SEZ6: variants seen among roughly 807,000 people sequenced by gnomAD.
SEZ6 encodes the protein seizure protein 6 homolog.
In SEZ6, 53 loss-of-function variants were observed where a neutral mutation model predicts 101.0. The observed-to-expected ratio is 0.52, with a 90% confidence interval of 0.42 to 0.66. The LOEUF (loss-of-function observed/expected upper bound fraction) is 0.66, where lower values mean the gene tolerates loss of function less well. Among genes scored for constraint, SEZ6 ranks in the 30% least tolerant of loss-of-function variants. SEZ6 has a pLI of 0.00. For missense variants in SEZ6, 1,102 were observed against 1,289.4 expected, an observed-to-expected ratio of 0.85 and a Z score of 2.23; for synonymous variants, 488 against 512.2, an observed-to-expected ratio of 0.95 and a Z score of 0.64.
At position 28,955,532 on chromosome 17, in the gene SEZ6, G is replaced by T; in HGVS notation, c.*430C>A. On this transcript the variant is annotated 3_prime_UTR_variant, in exon 17 of 17. Transcript: ENST00000317338. ...TGGCCATTGGTGATGGCGCTGTGAG[G>T]AGTACCCTGGTGCAGTTCCCACCAT... 2.3e-6 allele frequency: 1 copy of T among 428,812 alleles called. No individual in the cohort carries two copies. Among genetic ancestry groups the T allele is most frequent in the Non-Finnish European group, 4.7e-6 (1 of 212,356 alleles). The allele number at this position is 428,812 out of a possible 1,614,324, so 26.6% of individuals were successfully genotyped here.
chr17:28,999,019 C>T (rs2041579946), intron 1 of SEZ6, among the ~76,000 whole-genome samples: 1 of 152,092 alleles, frequency 6.6e-6, no homozygotes, highest in East Asian at 1.9e-4. Flanking sequence ...AAACTGAGTT[C>T]CTTAAGGGGA....
intron 1 of SEZ6, among the ~76,000 whole-genome samples, chr17:28,994,442 A>AT (rs1168249513): frequency 1.3e-5 from 2 of 151,732 alleles, no homozygotes; most frequent in Non-Finnish European, 2.9e-5. Flanking sequence ...TGCCCGGCTA[A>AT]TTTTTGTATT....
chr17:28,964,246 G>T, intron 4 of SEZ6, 99 bp from the exon 5 acceptor site: 1 of 1,269,540 alleles, frequency 7.9e-7, no homozygotes, highest in Non-Finnish European at 1.1e-6. Context: ...GCCTGGAGGT[G>T]TCATTTGGGG....
rs1441269280 is a variant in SEZ6 at position 28,959,602 on chromosome 17, A to C, written c.1771+96T>G. 1 of 1,537,778 alleles carries C rather than the reference A, an allele frequency of 6.5e-7. No homozygotes were observed. Among genetic ancestry groups the C allele is most frequent in the Admixed American group, 1.8e-5 (1 of 54,322 alleles). On this transcript the variant is annotated intron_variant, in intron 8 of 16. Coordinates refer to ENST00000317338, the MANE Select transcript of SEZ6 (RefSeq NM_178860.5). This position sits in a 1 kb window ranked among gnomAD's most constrained non-coding sequence, Gnocchi z 4.4. ...TCCTTGGAGGAAGCCTGAACCACGC[A>C]TATCACAGGGCCCCTGTGGCCCCGG...
chr17:28,959,104 A>G lies in SEZ6; in HGVS notation c.2028T>C (p.Ala676=). The G allele has an allele frequency of 6.2e-7, 1 of 1,614,008 alleles. No individual in the cohort carries two copies. Among genetic ancestry groups the G allele is most frequent in the Non-Finnish European group, 8.5e-7 (1 of 1,179,890 alleles). ...CCGACTGGAACTGAATGGTGACATC[A>G]GCCATGGAGGTAAAGAGCTTGAAGT... ...RSHFKLFTSM[A]DVTIQFQSDP... Residue 676 remains alanine, a synonymous_variant, in exon 10 of 17, where the codon GCT becomes GCC. Transcript: ENST00000317338. This position sits in a 1 kb window ranked among gnomAD's most constrained non-coding sequence, Gnocchi z 4.4.
chr17:28,964,213 T>C, intron 4 of SEZ6, 66 bp from the exon 5 acceptor site: 1 of 1,488,830 alleles, frequency 6.7e-7, no homozygotes, highest in Non-Finnish European at 9.0e-7. Context: ...GGGCCATTGG[T>C]TGGGGGAGGT....
chr17:28,988,509 GAGA>G (rs1250294621), intron 1 of SEZ6, among the ~76,000 whole-genome samples: 1 of 152,200 alleles, frequency 6.6e-6, no homozygotes, highest in African/African-American at 2.4e-5. Context: ...GTCCTGCCAG[GAGA>G]AGATGGGCAG....
intron 16 of SEZ6, 48 bp from the exon 17 acceptor site, chr17:28,956,042 C>G: frequency 1.2e-6 from 2 of 1,608,266 alleles, no homozygotes; most frequent in Non-Finnish European, 1.7e-6. Flanking sequence ...CCATAATTCA[C>G]CTTCCCTAGG....
In SEZ6 at chr17:28,959,754, A is replaced by G; in HGVS notation, c.1715T>C (p.Ile572Thr). 6.2e-7 allele frequency: 1 copy of G among 1,612,514 alleles called. No individual in the cohort carries two copies. The change falls in exon 8 of 17, where the codon ATC becomes ACC. Residue 572 changes from isoleucine to threonine, a missense_variant. Transcript: ENST00000317338. The surrounding 1 kb of genome is among the most constrained non-coding windows in gnomAD (Gnocchi z 4.4). ...GGGGTCGTGGGGGTCAACACACTCG[A>G]TGATGATGGAGCCCTGCTCCAGGGT... ...GYTLEQGSII[I>T]ECVDPHDPQW...
At chr17:28,985,893 C>G (rs2041373779) in intron 1 of SEZ6, among the ~76,000 whole-genome samples, 1 of 152,260 alleles carries the variant, frequency 6.6e-6, no homozygotes, top group African/African-American at 2.4e-5. Flanking sequence ...CCCCACTTGC[C>G]AGGCCCACCT....
chr17:28,979,205 C>A (rs1444275412), intron 3 of SEZ6, among the ~76,000 whole-genome samples: 1 of 152,070 alleles, frequency 6.6e-6, no homozygotes, highest in African/African-American at 2.4e-5. Context: ...AGGAGGCTGG[C>A]CTGTAGATTT....
At chr17:28,993,734 C>T (rs868640719) in intron 1 of SEZ6, among the ~76,000 whole-genome samples, 6 of 152,086 alleles carry the variant, frequency 3.9e-5, no homozygotes, top group East Asian at 1.9e-4. Context: ...GTGCCAGGGC[C>T]GGAGAGTAGG....
intron 1 of SEZ6, among the ~76,000 whole-genome samples, chr17:28,991,903 G>A (rs1007384793): frequency 2.9e-4 from 44 of 152,218 alleles, no homozygotes; most frequent in African/African-American, 9.9e-4. Context: ...CAGTTTAGGA[G>A]GATTTTATGG....
At chr17:28,993,078 G>A (rs557099751) in intron 1 of SEZ6, among the ~76,000 whole-genome samples, 2 of 152,176 alleles carry the variant, frequency 1.3e-5, no homozygotes, top group South Asian at 2.1e-4. Flanking sequence ...GGCAGGAATC[G>A]ACCCCAGCCT....
chr17:28,996,910 T>C (rs11651953), intron 1 of SEZ6, among the ~76,000 whole-genome samples: 14,329 of 152,124 alleles, frequency 0.094, 861 homozygotes, highest in Non-Finnish European at 0.13. Context: ...CCCTCCTCCC[T>C]TGTCTCTTTC....
chr17:28,958,144 G>A lies in SEZ6; in HGVS notation c.2108-3C>T, dbSNP rs369963692. 1.3e-5 allele frequency: 21 copies of A among 1,586,756 alleles called. No homozygotes were observed. In the South Asian group the frequency reaches 1.5e-4, roughly 11 times the overall value. On this transcript the variant is annotated splice_polypyrimidine_tract_variant and splice_region_variant and intron_variant, in intron 10 of 16. Coordinates refer to ENST00000317338, the MANE Select transcript of SEZ6 (RefSeq NM_178860.5). ...ACATGTGTCATTGCGGGGCACCTCTGGGGGCACAGAGGCACAAGATGCAGG... is the reference window on the plus strand; with the variant it reads ...ACATGTGTCATTGCGGGGCACCTCTAGGGGCACAGAGGCACAAGATGCAGG...
chr17:28,975,612 T>C (rs2041210325), intron 3 of SEZ6, among the ~76,000 whole-genome samples: 1 of 152,234 alleles, frequency 6.6e-6, no homozygotes, highest in Non-Finnish European at 1.5e-5. Context: ...GACTGCACCC[T>C]GTCATCCCTC....
At chr17:28,986,957 T>G (rs1412909443) in intron 1 of SEZ6, among the ~76,000 whole-genome samples, 1 of 152,194 alleles carries the variant, frequency 6.6e-6, no homozygotes, top group Non-Finnish European at 1.5e-5. Context: ...CTGGCCCCTC[T>G]GAGGTGGGCA....
intron 3 of SEZ6, 117 bp from the exon 4 acceptor site, chr17:28,970,069 G>A: frequency 2.2e-6 from 2 of 924,234 alleles, no homozygotes; most frequent in Non-Finnish European, 3.0e-6. Context: ...TGCTACTTGA[G>A]CATCGGAGCC....
Sources: allele counts gnomAD v4.1 joint callset (sites outside exome capture counted in the v4.1 genomes callset), GRCh38; gene constraint gnomAD v4.1.1; non-coding constraint Gnocchi (gnomAD v3.1); transcripts MANE v1.5; gene names NCBI Gene and HGNC (gene_info 2026-07-23, HGNC 2026-07-21).